MICU3: variants seen among roughly 807,000 people sequenced by gnomAD.
MICU3 encodes mitochondrial calcium uptake 3.
In MICU3, 62 loss-of-function variants were observed where a neutral mutation model predicts 66.5. That is an observed-to-expected ratio of 0.93 (90% CI 0.76 to 1.15). MICU3 has a LOEUF of 1.15. Ranked by LOEUF, MICU3 falls within the 50% of genes most tolerant of loss-of-function variation. The pLI is 0.00. For missense variants in MICU3, 779 were observed against 664.4 expected, an observed-to-expected ratio of 1.17 and a Z score of -1.90; for synonymous variants, 308 against 240.7, an observed-to-expected ratio of 1.28 and a Z score of -2.59.
At chr8:17,126,034 G>GAAAAAA (rs34218751), downstream of MICU3, among the ~76,000 whole-genome samples, 1 of 111,740 alleles carries the variant, frequency 8.9e-6, no homozygotes. Flanking sequence ...ATCTCAAAAG[G>GAAAAAA]AAAAAAAAAA....
At chr8:17,128,036 A>C in the MICU3 span, among the ~76,000 whole-genome samples, 28 of 152,276 alleles carry the variant, frequency 1.8e-4, no homozygotes, top group African/African-American at 6.7e-4. Context: ...GAGTTCACAG[A>C]TGGTTGGAAC....
intron 1 of MICU3, among the ~76,000 whole-genome samples, chr8:17,056,594 G>T (rs759987796): frequency 5.3e-5 from 8 of 152,222 alleles, no homozygotes; most frequent in Non-Finnish European, 8.8e-5. Flanking sequence ...GGTGTGACTG[G>T]AGGAAAGGAG....
the MICU3 span, chr8:17,132,483 T>C: frequency 1.3e-5 from 2 of 152,192 alleles, no homozygotes; most frequent in Non-Finnish European, 2.9e-5. Flanking sequence ...AGTACTAATA[T>C]ACACCCCAAA....
chr8:17,065,123 A>G (rs958922243), intron 2 of MICU3, among the ~76,000 whole-genome samples: 2 of 152,200 alleles, frequency 1.3e-5, no homozygotes, highest in Non-Finnish European at 2.9e-5. Flanking sequence ...CACTTCACTG[A>G]AAGATCACTC....
chr8:17,035,203 C>G (rs1330315573), intron 1 of MICU3, among the ~76,000 whole-genome samples: 1 of 152,188 alleles, frequency 6.6e-6, no homozygotes, highest in African/African-American at 2.4e-5. Flanking sequence ...AATTAAACAT[C>G]TTTCCTTTAT....
At chr8:17,129,618 A>G in the MICU3 span, among the ~76,000 whole-genome samples, 4 of 152,334 alleles carry the variant, frequency 2.6e-5, no homozygotes, top group East Asian at 1.9e-4. Context: ...AGAAAAAACT[A>G]TTGAGGAAAA....
At chr8:17,090,888 T>C (rs1320255085) in intron 8 of MICU3, among the ~76,000 whole-genome samples, 1 of 152,094 alleles carries the variant, frequency 6.6e-6, no homozygotes, top group Non-Finnish European at 1.5e-5. Context: ...TGAAGAGTTA[T>C]GTAGAGAGAG....
chr8:17,114,725 T>C (rs879906607), intron 12 of MICU3, among the ~76,000 whole-genome samples: 13 of 152,184 alleles, frequency 8.5e-5, no homozygotes, highest in Admixed American at 1.3e-4. Context: ...CCTCTCCTCA[T>C]GGCCATGTCC....
intron 1 of MICU3, among the ~76,000 whole-genome samples, chr8:17,031,791 C>A (rs150870307): frequency 6.6e-6 from 1 of 152,212 alleles, no homozygotes; most frequent in African/African-American, 2.4e-5. Context: ...AAATACAGTT[C>A]TCTTATATGA....
chr8:17,064,725 T>C (rs1423196222), intron 2 of MICU3, among the ~76,000 whole-genome samples: 1 of 152,208 alleles, frequency 6.6e-6, no homozygotes, highest in Non-Finnish European at 1.5e-5. Context: ...ATATCTAACT[T>C]AACAGAAGAC....
In MICU3 at chr8:17,076,442, G is replaced by A. The variant is rs139289504; in HGVS notation, c.568-1341G>A. ...TTACAATTCGGACCTGAATTATTCT[G>A]TGCCATTCCTATTCTATAATCAGAT... On this transcript the variant is annotated intron_variant, in intron 3 of 14. Transcript: ENST00000318063. Among the ~76,000 whole-genome samples, 267 of 152,114 alleles carry A rather than the reference G, an allele frequency of 1.8e-3. 6 individuals carry two copies. The East Asian group carries it at 0.045, about 26-fold the overall frequency.
chr8:17,136,546 G>A, the MICU3 span, among the ~76,000 whole-genome samples: 1 of 152,076 alleles, frequency 6.6e-6, no homozygotes, highest in African/African-American at 2.4e-5. Context: ...GGGGATTAGA[G>A]CCTCTGCTCA....
At chr8:17,094,540 G>T (rs942156001) in intron 8 of MICU3, among the ~76,000 whole-genome samples, 2 of 151,860 alleles carry the variant, frequency 1.3e-5, no homozygotes, top group Non-Finnish European at 2.9e-5. Flanking sequence ...AAGACAGCTG[G>T]TTTCTCGTAG....
chr8:17,122,675 C>G (rs1465195614), downstream of MICU3: 1 of 151,936 alleles, frequency 6.6e-6, no homozygotes, highest in Admixed American at 6.6e-5. Flanking sequence ...TATCTGTGGA[C>G]TAATAATGAC....
At chr8:17,081,153 A>G (rs531614242) in intron 4 of MICU3, among the ~76,000 whole-genome samples, 1 of 152,246 alleles carries the variant, frequency 6.6e-6, no homozygotes, top group East Asian at 1.9e-4. Context: ...TCCTCAGGGT[A>G]CATTTAATAG....
At chr8:17,029,708 A>G (rs1373411507) in intron 1 of MICU3, among the ~76,000 whole-genome samples, 7 of 152,146 alleles carry the variant, frequency 4.6e-5, no homozygotes, top group Admixed American at 4.6e-4. Flanking sequence ...AAATTTTCAC[A>G]GTAATGAGCT....
intron 1 of MICU3, chr8:17,049,615 C>T (rs760823200): frequency 2.9e-5 from 15 of 518,586 alleles, no homozygotes; most frequent in Admixed American, 1.2e-4. Flanking sequence ...GGCATTTGAA[C>T]GTAGGCCGGA....
At chr8:17,033,021 C>A (rs1812357712) in intron 1 of MICU3, among the ~76,000 whole-genome samples, 1 of 152,164 alleles carries the variant, frequency 6.6e-6, no homozygotes, top group Non-Finnish European at 1.5e-5. Flanking sequence ...CATGAACCAG[C>A]TTTTCCCTAG....
At position 17,116,542 on chromosome 8, in the gene MICU3, A is replaced by G. The variant is rs1449301957; in HGVS notation, c.1466A>G (p.Gln489Arg). 6.4e-7 allele frequency: 1 copy of G among 1,566,830 alleles called. No individual in the cohort carries two copies. Among genetic ancestry groups the G allele is most frequent in the South Asian group, 1.2e-5 (1 of 82,414 alleles). Residue 489 changes from glutamine to arginine, a missense_variant, in exon 13 of 15, where the codon CAA (glutamine) becomes CGA (arginine). By Grantham distance (43) the Gln-to-Arg change is conservative. Transcript: ENST00000318063. ...FKIFDVDKDDQLSYKEFIGIM... is the reference protein window; with the variant it reads ...FKIFDVDKDDRLSYKEFIGIM... ...ATTTTTGATGTTGACAAAGATGATC[A>G]ATTAAGTTATAAAGAATTTATTGGA...
Sources: allele counts gnomAD v4.1 joint callset (sites outside exome capture counted in the v4.1 genomes callset), GRCh38; gene constraint gnomAD v4.1.1; transcripts MANE v1.5; gene names NCBI Gene and HGNC (gene_info 2026-07-23, HGNC 2026-07-21).